The following TRPC5 variants were observed in gnomAD, a reference collection of about 807,000 sequenced individuals.
The protein encoded by TRPC5 is transient receptor potential cation channel subfamily C member 5, also known as short transient receptor potential channel 5.
A neutral mutation model predicts 56.5 loss-of-function variants in TRPC5; 9 were observed. The observed-to-expected ratio is 0.16, with a 90% CI of 0.10 to 0.28. The LOEUF (loss-of-function observed/expected upper bound fraction) is 0.28, where lower values mean the gene tolerates loss of function less well. Among genes scored for constraint, TRPC5 ranks in the 10% least tolerant of loss-of-function variants. The pLI is 1.00. For missense variants in TRPC5, 469 were observed against 748.9 expected, an observed-to-expected ratio of 0.63 and a Z score of 4.36; for synonymous variants, 282 against 278.5, an observed-to-expected ratio of 1.01 and a Z score of -0.13.
rs755991664 is a variant in TRPC5 at position 111,994,050 on chromosome X, C to T, written c.-21-41609G>A. Among the ~76,000 whole-genome samples the T allele has an allele frequency of 7.5e-3, 836 of 111,793 alleles. 7 individuals are homozygous for T. The highest frequency in any genetic ancestry group is 0.019 in the Middle Eastern group (4 of 215). On this transcript the variant is annotated intron_variant, in intron 1 of 10. Coordinates refer to ENST00000262839, the MANE Select transcript of TRPC5 (RefSeq NM_012471.3). The stretch of plus-strand genomic sequence containing the variant: ...TATGGTTTTAGGACTAACATTTAAA[C>T]CTTTAATCCATCTTGAATTAATTTT...
intron 3 of TRPC5, among the ~76,000 whole-genome samples, chrX:111,893,753 G>C (rs745411312): frequency 1.7e-4 from 19 of 111,955 alleles, no homozygotes; most frequent in Non-Finnish European, 3.6e-4. Context: ...AATTAAAGAT[G>C]CTTCATGGGG....
At chrX:111,941,105 A>G (rs1472090593) in intron 2 of TRPC5, among the ~76,000 whole-genome samples, 1 of 112,167 alleles carries the variant, frequency 8.9e-6, no homozygotes, top group Non-Finnish European at 1.9e-5. Context: ...ATCACCTCCT[A>G]TAACCTGTTA....
intron 1 of TRPC5, among the ~76,000 whole-genome samples, chrX:111,967,927 T>A (rs1484394041): frequency 1.8e-5 from 2 of 110,700 alleles, no homozygotes; most frequent in East Asian, 5.6e-4. Flanking sequence ...GGACTTCATG[T>A]CTAAAACACC....
intron 1 of TRPC5, among the ~76,000 whole-genome samples, chrX:112,072,267 A>G (rs1930736043): frequency 1.8e-5 from 2 of 112,005 alleles, no homozygotes; most frequent in Admixed American, 1.9e-4. Flanking sequence ...TAAAAACAGC[A>G]TTTCCTTCAT....
At chrX:111,911,436 C>G (rs961426916) in intron 3 of TRPC5, among the ~76,000 whole-genome samples, 24 of 112,430 alleles carry the variant, frequency 2.1e-4, no homozygotes, top group African/African-American at 6.1e-4. Context: ...TTAGGTCATA[C>G]AGCTAGTGGG....
intron 7 of TRPC5, among the ~76,000 whole-genome samples, chrX:111,821,333 A>G (rs1922022967): frequency 8.9e-6 from 1 of 111,950 alleles, no homozygotes. Flanking sequence ...AGAGAGAAAT[A>G]CAATGACTTT....
chrX:112,013,619 T>C (rs1929047391), intron 1 of TRPC5, among the ~76,000 whole-genome samples: 1 of 111,671 alleles, frequency 9.0e-6, no homozygotes, highest in Admixed American at 9.6e-5. Flanking sequence ...AACTGAGATA[T>C]GTCTGACTCC....
At chrX:111,895,219 G>A (rs1488320916) in intron 3 of TRPC5, among the ~76,000 whole-genome samples, 1 of 111,241 alleles carries the variant, frequency 9.0e-6, no homozygotes, top group Non-Finnish European at 1.9e-5. Flanking sequence ...TTTCATTTTA[G>A]CTCTTCTGGT....
chrX:111,852,296 A>G lies in TRPC5; in HGVS notation c.1377+2T>C. 8.3e-7 allele frequency: 1 copy of G among 1,206,162 alleles called. No homozygotes were observed. ...GGAAATATGGCAGACATTCCAATTT[A>G]CCTTGACATAGGCCACAATCTTCAG... On this transcript the variant is annotated splice_donor_variant, in intron 5 of 10. Coordinates refer to ENST00000262839, the MANE Select transcript of TRPC5 (RefSeq NM_012471.3). LOFTEE classifies it high-confidence loss of function.
chrX:111,847,079 A>AT (rs780952653), intron 6 of TRPC5, 35 bp downstream of exon 6: 58 of 1,156,248 alleles, frequency 5.0e-5, no homozygotes, highest in African/African-American at 1.3e-4. Context: ...GGCAAAAAAA[A>AT]AAATAAATAA....
intron 6 of TRPC5, among the ~76,000 whole-genome samples, chrX:111,846,482 T>C (rs1922930730): frequency 8.9e-6 from 1 of 112,169 alleles, no homozygotes; most frequent in African/African-American, 3.2e-5. Context: ...AGGAGTTCCA[T>C]GTGTTCAGAG....
At chrX:111,838,125 A>G (rs1922622986) in intron 6 of TRPC5, among the ~76,000 whole-genome samples, 1 of 110,578 alleles carries the variant, frequency 9.0e-6, no homozygotes, top group Non-Finnish European at 1.9e-5. Flanking sequence ...ATGCATGCAT[A>G]AATAAATAAA....
intron 3 of TRPC5, among the ~76,000 whole-genome samples, chrX:111,895,265 C>T (rs769264936): frequency 9.0e-6 from 1 of 111,644 alleles, no homozygotes; most frequent in Non-Finnish European, 1.9e-5. Flanking sequence ...TTAATTTGCA[C>T]TTCCCTGATG....
At chrX:111,822,646 T>C (rs1342985123) in intron 7 of TRPC5, among the ~76,000 whole-genome samples, 3 of 112,352 alleles carry the variant, frequency 2.7e-5, no homozygotes, top group Non-Finnish European at 5.6e-5. Context: ...GTATCTCCAC[T>C]GCCAAGAATG....
intron 1 of TRPC5, among the ~76,000 whole-genome samples, chrX:111,974,642 C>T (rs1489317695): frequency 9.0e-6 from 1 of 110,921 alleles, no homozygotes; most frequent in Non-Finnish European, 1.9e-5. Flanking sequence ...AATACAGCAA[C>T]TGGAAAATTC....
intron 7 of TRPC5, among the ~76,000 whole-genome samples, chrX:111,788,148 A>T (rs764748794): frequency 1.8e-5 from 2 of 111,910 alleles, no homozygotes; most frequent in Non-Finnish European, 3.8e-5. Flanking sequence ...GATGAACATC[A>T]ATGCGAAAAT....
chrX:111,869,211 A>T (rs1001483793), intron 3 of TRPC5, among the ~76,000 whole-genome samples: 1 of 109,450 alleles, frequency 9.1e-6, no homozygotes, highest in Non-Finnish European at 1.9e-5. Flanking sequence ...ATAGGTTTTG[A>T]CAAAAGTTTA....
chrX:111,934,577 T>C (rs917838362), intron 2 of TRPC5, among the ~76,000 whole-genome samples: 1 of 111,427 alleles, frequency 9.0e-6, no homozygotes, highest in Non-Finnish European at 1.9e-5. Context: ...ATTCTATCTA[T>C]CTTTGCACCC....
At chrX:111,996,682 T>C (rs1047448293) in intron 1 of TRPC5, among the ~76,000 whole-genome samples, 3 of 112,054 alleles carry the variant, frequency 2.7e-5, no homozygotes, top group African/African-American at 9.7e-5. Context: ...TGGGTGCATA[T>C]ATATTTAGGA....
Sources: allele counts gnomAD v4.1 joint callset (sites outside exome capture counted in the v4.1 genomes callset), GRCh38; gene constraint gnomAD v4.1.1; transcripts MANE v1.5; gene names NCBI Gene and HGNC (gene_info 2026-07-23, HGNC 2026-07-21).